The following POU6F2 variants were observed in gnomAD, a reference collection of about 807,000 sequenced individuals.
POU6F2 encodes the protein POU domain, class 6, transcription factor 2.
Under a neutral mutation model 71.3 loss-of-function variants are expected in POU6F2, and 31 were observed. The observed-to-expected ratio is 0.43, with a 90% CI of 0.33 to 0.59. The LOEUF (loss-of-function observed/expected upper bound fraction) is 0.59, where lower values mean the gene tolerates loss of function less well. POU6F2 is among the 20% of genes least tolerant of loss of function. The pLI, the probability that POU6F2 is intolerant of heterozygous loss-of-function variation, is 0.04. For synonymous variants in POU6F2, 347 were observed against 355.7 expected (o/e 0.98, Z 0.27); for missense variants, 783 against 856.8 (o/e 0.91, Z 1.07).
chr7:39,006,782 C>A, intron 1 of POU6F2: 11 of 1,494,440 alleles, frequency 7.4e-6, no homozygotes, highest in Non-Finnish European at 1.0e-5. Flanking sequence ...GGTTGTGTTA[C>A]CCTGTTTGCT....
chr7:39,340,323 T>A (rs1785889967), intron 5 of POU6F2, among the ~76,000 whole-genome samples: 1 of 152,196 alleles, frequency 6.6e-6, no homozygotes, highest in Non-Finnish European at 1.5e-5. Context: ...TTATGATACT[T>A]TTTGAAGGCA....
At chr7:39,336,622 C>G (rs1164645516) in intron 4 of POU6F2, among the ~76,000 whole-genome samples, 8 of 152,134 alleles carry the variant, frequency 5.3e-5, no homozygotes. Flanking sequence ...GTTTTCTGCC[C>G]TCTGTAAACA....
chr7:39,412,671 C>T (rs1478488146), intron 6 of POU6F2, among the ~76,000 whole-genome samples: 1 of 147,390 alleles, frequency 6.8e-6, no homozygotes, highest in Non-Finnish European at 1.5e-5. Context: ...AACAATGAAA[C>T]ATGTTAAATG....
chr7:39,265,899 G>A (rs1416373421), intron 4 of POU6F2, among the ~76,000 whole-genome samples: 1 of 152,214 alleles, frequency 6.6e-6, no homozygotes, highest in African/African-American at 2.4e-5. Context: ...TTAATTACAA[G>A]TGTCTCCAAG....
intron 2 of POU6F2, among the ~76,000 whole-genome samples, chr7:39,163,993 G>T (rs1344015058): frequency 1.3e-5 from 2 of 152,190 alleles, no homozygotes; most frequent in East Asian, 3.9e-4. Context: ...TTCCAGTTAG[G>T]CAGGAGAAGT....
At chr7:39,290,541 C>T (rs1470684895) in intron 4 of POU6F2, among the ~76,000 whole-genome samples, 2 of 152,154 alleles carry the variant, frequency 1.3e-5, no homozygotes, top group Non-Finnish European at 2.9e-5. Context: ...CTAAACATAT[C>T]GTGCTACAAA....
In POU6F2 at chr7:38,989,862, G is replaced by A. The variant is rs375012995; in HGVS notation, c.105+11804G>A. ...GTGTGTGTGTGGAAAATTCCCATGC[G>A]TAATTTCAGGAAAGGCTTGAAAACA... On this transcript the variant is annotated intron_variant, in intron 1 of 9. Transcript: ENST00000518318. Among the ~76,000 whole-genome samples the A allele has an allele frequency of 4.6e-5, 7 of 151,172 alleles. No homozygotes were observed. The East Asian group carries it at 5.8e-4, about 13-fold the overall frequency.
At chr7:39,152,802 A>G (rs1358707102) in intron 2 of POU6F2, among the ~76,000 whole-genome samples, 1 of 152,142 alleles carries the variant, frequency 6.6e-6, no homozygotes, top group Admixed American at 6.6e-5. Flanking sequence ...CTACAATCCA[A>G]ATCATTTTCT....
At chr7:39,197,157 G>A (rs936105556) in intron 2 of POU6F2, among the ~76,000 whole-genome samples, 1 of 152,204 alleles carries the variant, frequency 6.6e-6, no homozygotes, top group Non-Finnish European at 1.5e-5. Flanking sequence ...GGACAGGACG[G>A]GCTCTGGCTG....
At chr7:39,231,947 CT>C (rs1327735968) in intron 4 of POU6F2, among the ~76,000 whole-genome samples, 1 of 152,204 alleles carries the variant, frequency 6.6e-6, no homozygotes, top group African/African-American at 2.4e-5. Flanking sequence ...CCCAGAGCCC[CT>C]GTCCATGATG....
At chr7:39,441,319 C>T (rs1448923032) in intron 7 of POU6F2, among the ~76,000 whole-genome samples, 2 of 150,808 alleles carry the variant, frequency 1.3e-5, no homozygotes, top group Non-Finnish European at 2.9e-5. Flanking sequence ...ATTTAGGAGT[C>T]TATAGCAAAA....
At chr7:39,198,593 T>C (rs1241727392) in intron 2 of POU6F2, among the ~76,000 whole-genome samples, 1 of 152,236 alleles carries the variant, frequency 6.6e-6, no homozygotes. Context: ...TACCTGACAA[T>C]GTAATTTGCA....
At chr7:39,183,140 A>T (rs1219753384) in intron 2 of POU6F2, among the ~76,000 whole-genome samples, 1 of 152,076 alleles carries the variant, frequency 6.6e-6, no homozygotes, top group African/African-American at 2.4e-5. Context: ...TAGGAGCATG[A>T]ACCCTATTGT....
chr7:39,190,171 C>T (rs1208397003), intron 2 of POU6F2, among the ~76,000 whole-genome samples: 1 of 152,062 alleles, frequency 6.6e-6, no homozygotes, highest in East Asian at 1.9e-4. Flanking sequence ...GCTGGGATTA[C>T]AGGTGTGAGC....
At chr7:39,153,927 T>A (rs1792810497) in intron 2 of POU6F2, among the ~76,000 whole-genome samples, 1 of 152,144 alleles carries the variant, frequency 6.6e-6, no homozygotes, top group African/African-American at 2.4e-5. Context: ...GACAGCTAAT[T>A]TAATAAACTC....
chr7:39,030,643 T>C (rs1178645747), intron 1 of POU6F2, among the ~76,000 whole-genome samples: 2 of 149,988 alleles, frequency 1.3e-5, no homozygotes, highest in African/African-American at 4.9e-5. Context: ...CAATTATGAA[T>C]AAAGCTGCAA....
At chr7:39,067,656 A>T (rs1790786321) in intron 1 of POU6F2, among the ~76,000 whole-genome samples, 1 of 152,166 alleles carries the variant, frequency 6.6e-6, no homozygotes, top group East Asian at 1.9e-4. Flanking sequence ...TTTATAGCCC[A>T]GGCAGTGTGC....
At chr7:39,207,155 A>G (rs76938547) in intron 3 of POU6F2, among the ~76,000 whole-genome samples, 12,483 of 152,272 alleles carry the variant, frequency 0.082, 611 homozygotes, top group South Asian at 0.19. Context: ...TATTACTTGT[A>G]AAGATATTTG....
At chr7:39,425,228 C>T (rs1454033482) in intron 6 of POU6F2, among the ~76,000 whole-genome samples, 3 of 151,846 alleles carry the variant, frequency 2.0e-5, no homozygotes, top group African/African-American at 4.8e-5. Flanking sequence ...CACAGGCAAA[C>T]ATACTAGATT....
Sources: allele counts gnomAD v4.1 joint callset (sites outside exome capture counted in the v4.1 genomes callset), GRCh38; gene constraint gnomAD v4.1.1; transcripts MANE v1.5; gene names NCBI Gene and HGNC (gene_info 2026-07-23, HGNC 2026-07-21).